Variants in PAF1 observed in about 807,000 individuals in gnomAD.
PAF1 encodes the protein RNA polymerase II-associated factor 1 homolog.
PAF1 carries 31 observed loss-of-function variants against 68.4 expected under a neutral mutation model. That is an observed-to-expected ratio of 0.45 (90% CI 0.34 to 0.61). The LOEUF is 0.61. PAF1 is among the 20% of genes least tolerant of loss of function. The pLI is 0.01. For missense variants in PAF1, 435 were observed against 692.9 expected, an observed-to-expected ratio of 0.63 and a Z score of 4.18; for synonymous variants, 256 against 240.5, an observed-to-expected ratio of 1.06 and a Z score of -0.60.
At chr19:39,388,201 A>AC in intron 11 of PAF1, 138 bp downstream of exon 11, 4 of 820,236 alleles carry the variant, frequency 4.9e-6, no homozygotes, top group Non-Finnish European at 7.9e-6. Flanking sequence ...CATGTGCATG[A>AC]CCAGACATCT....
rs143226076 is a variant in PAF1 at position 39,386,106 on chromosome 19, C to T, written c.1481G>A (p.Arg494Gln). The T allele has an allele frequency of 2.6e-4, 418 of 1,614,030 alleles. No homozygotes were observed. The African/African-American group carries it at 4.4e-3, about 17-fold the overall frequency. ...GGGACTGGCGCTGCGGCTGTGGCTCCGGCTCCGCTGGCCACCCCCATTGCT... is the reference window on the plus strand; with the variant it reads ...GGGACTGGCGCTGCGGCTGTGGCTCTGGCTCCGCTGGCCACCCCCATTGCT... ...SGSNGGGQRS[R>Q]SHSRSASPFP... The change falls in exon 14 of 14, where the codon CGG (arginine) becomes CAG (glutamine). Residue 494 changes from arginine to glutamine, a missense_variant. Physicochemically the swap from Arg to Gln is conservative, Grantham distance 43. Coordinates refer to ENST00000221265, the MANE Select transcript of PAF1 (RefSeq NM_019088.4). This position sits in a 1 kb window ranked among gnomAD's most constrained non-coding sequence, Gnocchi z 6.1.
chr19:39,390,785 C>A (rs568250519), intron 1 of PAF1, 33 bp downstream of exon 1: 23 of 1,561,302 alleles, frequency 1.5e-5, no homozygotes, highest in Non-Finnish European at 1.8e-5. Context: ...CCCGATCCCC[C>A]GCCTTGCTGC....
chr19:39,390,621 G>A (rs2078359654), intron 1 of PAF1, among the ~76,000 whole-genome samples, 197 bp downstream of exon 1: 1 of 152,130 alleles, frequency 6.6e-6, no homozygotes, highest in South Asian at 2.1e-4. Flanking sequence ...CCTTCTGGAG[G>A]GAGTCTCCAA....
In PAF1 at chr19:39,386,605, A is replaced by C. The variant is rs968726853; in HGVS notation, c.1093-33T>G. The stretch of plus-strand genomic sequence containing the variant: ...CAGCAAGATTGGAATGAGGGGAAGG[A>C]GGGTGTTCTGCTGGGTTTTTGTCCC... On this transcript the variant is annotated intron_variant, in intron 12 of 13. Coordinates refer to ENST00000221265, the MANE Select transcript of PAF1 (RefSeq NM_019088.4). The surrounding 1 kb of genome is among the most constrained non-coding windows in gnomAD (Gnocchi z 6.1). The C allele has an allele frequency of 5.0e-6, 8 of 1,611,520 alleles. No individual in the cohort carries two copies. The highest frequency in any genetic ancestry group is 5.9e-6 in the Non-Finnish European group (7 of 1,177,932).
chr19:39,388,313 T>A (rs1478314041), intron 11 of PAF1, 26 bp downstream of exon 11: 1 of 1,613,494 alleles, frequency 6.2e-7, no homozygotes, highest in Non-Finnish European at 8.5e-7. Context: ...AGATCCAGGC[T>A]AATCAGATAG....
At position 39,386,125 on chromosome 19, in the gene PAF1, C is replaced by T. The variant is rs778413961; in HGVS notation, c.1462G>A (p.Gly488Arg). Residue 488 changes from glycine to arginine, a missense_variant, in exon 14 of 14, where the codon GGG (glycine) becomes AGG (arginine). Physicochemically the swap from Gly to Arg is moderately radical, Grantham distance 125. Around this residue, in one of 7 missense-constraint regions of PAF1, gnomAD observed 83 missense variants for 99.9 expected, o/e 0.83. Coordinates refer to ENST00000221265, the MANE Select transcript of PAF1 (RefSeq NM_019088.4). This position sits in a 1 kb window ranked among gnomAD's most constrained non-coding sequence, Gnocchi z 6.1. ...TGGCTCCGGCTCCGCTGGCCACCCC[C>T]ATTGCTGCCGCTGTCTGAATCATTG... ...SDNDSDSGSNGGGQRSRSHSR... is the reference protein window; with the variant it reads ...SDNDSDSGSNRGGQRSRSHSR... 5 of 1,614,010 alleles carry T rather than the reference C, an allele frequency of 3.1e-6. No homozygotes were observed. Among genetic ancestry groups the T allele is most frequent in the Middle Eastern group, 3.3e-4 (2 of 6,084 alleles).
At position 39,388,655 on chromosome 19, in the gene PAF1, C is replaced by T; in HGVS notation, c.762G>A (p.Gly254=). Reference sequence around the variant, plus strand: ...GCAGGAAATAGGCCACAAACTGGTTCCCTTCCTCATCCATCATGCCCCTGG... The same window carrying T: ...GCAGGAAATAGGCCACAAACTGGTTTCCTTCCTCATCCATCATGCCCCTGG... ...AMIRGMMDEE[G]NQFVAYFLPV... The change falls in exon 10 of 14, where the codon GGG becomes GGA. Residue 254 remains glycine (G), a synonymous_variant. Coordinates refer to ENST00000221265, the MANE Select transcript of PAF1 (RefSeq NM_019088.4). 6.2e-7 allele frequency: 1 copy of T among 1,614,144 alleles called. No homozygotes were observed. Among genetic ancestry groups the T allele is most frequent in the Non-Finnish European group, 8.5e-7 (1 of 1,180,022 alleles).
Position 39,389,858 on chromosome 19 carries a change from A to G in PAF1, c.171-97T>C. Reference sequence around the variant, plus strand: ...GGAGCTTCTCTGGGGAGGAACTCAGAATGAAGTGTCCCCCATGGCAGAGTC... The same window carrying G: ...GGAGCTTCTCTGGGGAGGAACTCAGGATGAAGTGTCCCCCATGGCAGAGTC... On this transcript the variant is annotated intron_variant, in intron 3 of 13. Transcript: ENST00000221265. The surrounding 1 kb of genome is among the most constrained non-coding windows in gnomAD (Gnocchi z 5.3). The G allele has an allele frequency of 6.6e-7, 1 of 1,518,000 alleles. No homozygotes were observed. The highest frequency in any genetic ancestry group is 9.1e-7 in the Non-Finnish European group (1 of 1,096,446). 94.0% of individuals were successfully genotyped at this position (1,518,000 alleles called of 1,614,324 possible).
chr19:39,385,954 A>G lies in PAF1; in HGVS notation c.*37T>C, dbSNP rs777116797. 17 of 1,610,632 alleles carry G rather than the reference A, an allele frequency of 1.1e-5. No individual in the cohort carries two copies. The highest frequency in any genetic ancestry group is 8.3e-5 in the Admixed American group (5 of 59,976). ...CTAGAAAAGTGCTTTGCTGCTCACA[A>G]TAATGGTGTCTGAACCAGCCCTGAA... On this transcript the variant is annotated 3_prime_UTR_variant, in exon 14 of 14. Transcript: ENST00000221265.
Position 39,386,348 on chromosome 19 carries a change from G to A in PAF1, c.1239C>T (p.His413=). The change falls in exon 14 of 14, where the codon CAC becomes CAT. Residue 413 remains histidine, a synonymous_variant. Coordinates refer to ENST00000221265, the MANE Select transcript of PAF1 (RefSeq NM_019088.4). The surrounding 1 kb of genome is among the most constrained non-coding windows in gnomAD (Gnocchi z 6.1). ...SSEKEGSEDE[H]SGSESEREEG... The stretch of plus-strand genomic sequence containing the variant: ...CCTCCCGTTCACTCTCGCTGCCCGA[G>A]TGCTCATCTTCACTGCCCTCCTTCT... 6.2e-7 allele frequency: 1 copy of A among 1,614,132 alleles called. No individual in the cohort carries two copies. Among genetic ancestry groups the A allele is most frequent in the South Asian group, 1.1e-5 (1 of 91,078 alleles).
rs1258506012 is a variant in PAF1 at position 39,388,192 on chromosome 19, AT to A, written c.986+146del. 955 of 763,190 alleles carry A rather than the reference AT, an allele frequency of 1.3e-3. 16 individuals are homozygous for A. The South Asian group carries it at 0.016, about 13-fold the overall frequency. 47.3% of individuals were successfully genotyped at this position (763,190 alleles called of 1,614,324 possible). A position where few individuals can be genotyped will look rare whatever the true frequency, so the allele number is the denominator to read the frequency against. ...CTCCTGTTAGAACCAAGTCCAGCTC[AT>A]GTGCATGACCAGACATCTGCTGCTC... On this transcript the variant is annotated intron_variant, in intron 11 of 13. Transcript: ENST00000221265.
Position 39,385,708 on chromosome 19 carries a change from C to T in PAF1, c.*283G>A, listed in dbSNP as rs1294200497. ...ACAAACAAAAAAAACGAATTCTGACCTTCGTTGTGCTACATTTTGTGGGAA... is the reference window on the plus strand; with the variant it reads ...ACAAACAAAAAAAACGAATTCTGACTTTCGTTGTGCTACATTTTGTGGGAA... On this transcript the variant is annotated 3_prime_UTR_variant, in exon 14 of 14. Transcript: ENST00000221265. 15 of 523,856 alleles carry T rather than the reference C, an allele frequency of 2.9e-5. No homozygotes were observed. The highest frequency in any genetic ancestry group is 6.7e-6 in the Non-Finnish European group (2 of 299,416). 32.5% of individuals were successfully genotyped at this position (523,856 alleles called of 1,614,324 possible).
At position 39,388,482 on chromosome 19, in the gene PAF1, A is replaced by G. The variant is rs1313858756; in HGVS notation, c.858-15T>C. 1.2e-6 allele frequency: 2 copies of G among 1,614,184 alleles called. No homozygotes were observed. The highest frequency in any genetic ancestry group is 8.5e-7 in the Non-Finnish European group (1 of 1,180,004). ...TGTAGTCATACCTGAAGATGAGGGC[A>G]CAGGTTCAGCCCCATTTCTTCCCTA... On this transcript the variant is annotated splice_polypyrimidine_tract_variant and intron_variant, in intron 10 of 13. Transcript: ENST00000221265.
Position 39,389,757 on chromosome 19 carries a change from C to T in PAF1, c.175G>A (p.Val59Ile), listed in dbSNP as rs777585469. 8.7e-6 allele frequency: 14 copies of T among 1,614,074 alleles called. No homozygotes were observed. Among genetic ancestry groups the T allele is most frequent in the South Asian group, 2.2e-5 (2 of 91,068 alleles). Residue 59 changes from valine to isoleucine, a missense_variant, in exon 4 of 14, where the codon GTC (valine) becomes ATC (isoleucine). Val to Ile is a conservative substitution (Grantham distance 29). This residue lies in a region of PAF1 where 77 missense variants were observed against 118.2 expected (regional missense o/e 0.65). Transcript: ENST00000221265. This position sits in a 1 kb window ranked among gnomAD's most constrained non-coding sequence, Gnocchi z 5.3. ...TCCAAGGAAGTGGCTTTGTACTGGACGAACCTGGGTGGGGAAACACCTATT... is the reference window on the plus strand; with the variant it reads ...TCCAAGGAAGTGGCTTTGTACTGGATGAACCTGGGTGGGGAAACACCTATT... ...ITYPFDQNRF[V>I]QYKATSLEKQ... is the part of the protein sequence containing the mutation.
In PAF1 at chr19:39,389,542, A is replaced by T; in HGVS notation, c.297T>A (p.Leu99=). 1 of 1,614,138 alleles carries T rather than the reference A, an allele frequency of 6.2e-7. No homozygotes were observed. Residue 99 remains leucine, a synonymous_variant, in exon 5 of 14, where the codon CTT becomes CTA. Transcript: ENST00000221265. The surrounding 1 kb of genome is among the most constrained non-coding windows in gnomAD (Gnocchi z 5.3). ...PDTYRIDPNV[L]LDPADEKLLE... Reference sequence around the variant, plus strand: ...AAAGTTTCTCATCAGCTGGATCTAGAAGAACTAGAGGAGAGCGGGGGGCAG... The same window carrying T: ...AAAGTTTCTCATCAGCTGGATCTAGTAGAACTAGAGGAGAGCGGGGGGCAG...
In PAF1 at chr19:39,390,895, T is replaced by C. The variant is rs1350095972; in HGVS notation, c.-31A>G. On this transcript the variant is annotated 5_prime_UTR_variant, in exon 1 of 14. Transcript: ENST00000221265. The stretch of plus-strand genomic sequence containing the variant: ...CGAGGCGACGGCAGCCCGGACGGGG[T>C]CCTAGCGGGACCGAAGGGGGACGCA... 6.4e-7 allele frequency: 1 copy of C among 1,564,904 alleles called. No individual in the cohort carries two copies. Among genetic ancestry groups the C allele is most frequent in the Non-Finnish European group, 8.7e-7 (1 of 1,154,520 alleles).
Position 39,390,989 on chromosome 19 carries a change from A to G in PAF1, c.-125T>C, listed in dbSNP as rs931360157. On this transcript the variant is annotated 5_prime_UTR_variant, in exon 1 of 14. Coordinates refer to ENST00000221265, the MANE Select transcript of PAF1 (RefSeq NM_019088.4). The stretch of plus-strand genomic sequence containing the variant: ...CCAGCTTGGCGCCGCTCCCCGCGGA[A>G]AGTGGGTTGAGATGAGGTGGGCGGG... The G allele has an allele frequency of 5.1e-6, 5 of 986,780 alleles. No homozygotes were observed. The highest frequency in any genetic ancestry group is 5.9e-6 in the Non-Finnish European group (4 of 673,830). The allele number at this position is 986,780 out of a possible 1,614,324, so 61.1% of individuals were successfully genotyped here.
chr19:39,389,793 G>T lies in PAF1; in HGVS notation c.171-32C>A, dbSNP rs368782097. The T allele has an allele frequency of 3.0e-5, 49 of 1,613,308 alleles. No individual in the cohort carries two copies. The highest frequency in any genetic ancestry group is 2.6e-5 in the Non-Finnish European group (31 of 1,179,830). On this transcript the variant is annotated intron_variant, in intron 3 of 13. Transcript: ENST00000221265. This position sits in a 1 kb window ranked among gnomAD's most constrained non-coding sequence, Gnocchi z 5.3. ...GGGGAAACACCTATTGTGGTGTTTGGATTCCAGCTTCACCCCTCACAGCCC... is the reference window on the plus strand; with the variant it reads ...GGGGAAACACCTATTGTGGTGTTTGTATTCCAGCTTCACCCCTCACAGCCC...
chr19:39,390,220 C>G (rs1242797586), intron 2 of PAF1, 40 bp downstream of exon 2: 2 of 1,613,610 alleles, frequency 1.2e-6, no homozygotes. Context: ...CTCCCAGCCC[C>G]ACTGCCCCAC....
Sources: allele counts gnomAD v4.1 joint callset (sites outside exome capture counted in the v4.1 genomes callset), GRCh38; gene constraint gnomAD v4.1.1; regional missense constraint gnomAD v4.1.1; non-coding constraint Gnocchi (gnomAD v3.1); transcripts MANE v1.5; gene names NCBI Gene and HGNC (gene_info 2026-07-23, HGNC 2026-07-21).